Variants in RTP2 observed in about 807,000 individuals in gnomAD.
RTP2 encodes the protein receptor-transporting protein 2.
RTP2 carries 12 observed loss-of-function variants against 17.9 expected under a neutral mutation model. The observed-to-expected ratio is 0.67, with a 90% CI of 0.43 to 1.09. The LOEUF (loss-of-function observed/expected upper bound fraction) is 1.09, where lower values mean the gene tolerates loss of function less well. Ranked by LOEUF, RTP2 falls within the 50% of genes least tolerant of loss-of-function variation. The probability of loss-of-function intolerance (pLI) is 0.00; values close to 1 mark genes in which losing one functional copy is unlikely to be tolerated. For synonymous variants in RTP2, 126 were observed against 117.7 expected, an observed-to-expected ratio of 1.07 and a Z score of -0.46; for missense variants, 327 against 295.7, an observed-to-expected ratio of 1.11 and a Z score of -0.78.
At chr3:187,702,553 C>G (rs1336648856) in exon 1 of RTP2, 1 of 457,550 alleles carries the variant, frequency 2.2e-6, no homozygotes, top group African/African-American at 2.0e-5. Flanking sequence ...AGTACGACAC[C>G]CTAGGAAGTC....
chr3:187,702,354 G>A, exon 1 of RTP2: 4 of 568,752 alleles, frequency 7.0e-6, no homozygotes, highest in Non-Finnish European at 1.3e-5. Context: ...CCAAGGGGGA[G>A]TTTCAGGGCC....
the RTP2 span, among the ~76,000 whole-genome samples, chr3:187,711,565 GTTTTC>G: frequency 2.6e-5 from 4 of 152,148 alleles, no homozygotes; most frequent in Non-Finnish European, 4.4e-5. Flanking sequence ...ATCCATTGAA[GTTTTC>G]TAAGGCTACT....
chr3:187,706,217 G>A (rs1434588737), upstream of RTP2, among the ~76,000 whole-genome samples: 3 of 152,144 alleles, frequency 2.0e-5, no homozygotes, highest in East Asian at 1.9e-4. Flanking sequence ...CATATGAGAC[G>A]CAGATCTTAC....
At chr3:187,698,367 TG>T (rs1294392895) in exon 2 of RTP2, 1 of 703,890 alleles carries the variant, frequency 1.4e-6, no homozygotes, top group African/African-American at 1.8e-5. Flanking sequence ...ATTCCGCAGA[TG>T]CATTAACTGA....
At chr3:187,708,631 A>G in the RTP2 span, among the ~76,000 whole-genome samples, 1 of 152,254 alleles carries the variant, frequency 6.6e-6, no homozygotes, top group Non-Finnish European at 1.5e-5. Flanking sequence ...CTAGTTCCTC[A>G]TCTTAAATAC....
the RTP2 span, among the ~76,000 whole-genome samples, chr3:187,712,587 C>A: frequency 6.6e-6 from 1 of 152,118 alleles, no homozygotes; most frequent in Non-Finnish European, 1.5e-5. Context: ...TAACTAGTGT[C>A]TTTTTGTTAG....
At chr3:187,698,768 C>T (rs1471872712) in exon 2 of RTP2, 1 of 1,613,904 alleles carries the variant, frequency 6.2e-7, no homozygotes, top group Non-Finnish European at 8.5e-7. Flanking sequence ...GGATGCGGTA[C>T]TGGCCACCAT....
chr3:187,705,933 A>G (rs543229650), upstream of RTP2, among the ~76,000 whole-genome samples: 3 of 152,342 alleles, frequency 2.0e-5, no homozygotes, highest in African/African-American at 7.2e-5. Flanking sequence ...TTGGACAAAC[A>G]TTACATAGAT....
chr3:187,700,149 C>T (rs1260990636), intron 1 of RTP2, among the ~76,000 whole-genome samples: 1 of 152,214 alleles, frequency 6.6e-6, no homozygotes, highest in Non-Finnish European at 1.5e-5. Flanking sequence ...CATTCAACAC[C>T]TCCCATATGC....
exon 2 of RTP2, chr3:187,698,295 T>C (rs1330797807): frequency 8.8e-6 from 5 of 567,558 alleles, no homozygotes; most frequent in Non-Finnish European, 1.2e-5. Flanking sequence ...CTTTTCCCCT[T>C]CCCCCAATTA....
chr3:187,713,967 G>A, the RTP2 span, among the ~76,000 whole-genome samples: 1 of 152,122 alleles, frequency 6.6e-6, no homozygotes, highest in African/African-American at 2.4e-5. Context: ...TTCAACCACT[G>A]ACACACAAAG....
At chr3:187,710,124 G>T in the RTP2 span, among the ~76,000 whole-genome samples, 1 of 152,148 alleles carries the variant, frequency 6.6e-6, no homozygotes, top group South Asian at 2.1e-4. Context: ...AAAAGACAAT[G>T]CAGGAAGGTT....
chr3:187,707,355 T>C (rs1223771313), upstream of RTP2, among the ~76,000 whole-genome samples: 2 of 152,174 alleles, frequency 1.3e-5, no homozygotes, highest in East Asian at 3.8e-4. Flanking sequence ...GATACCAATG[T>C]GATCGTCTTT....
At chr3:187,713,555 T>C in the RTP2 span, among the ~76,000 whole-genome samples, 2 of 152,352 alleles carry the variant, frequency 1.3e-5, no homozygotes, top group African/African-American at 4.8e-5. Flanking sequence ...AGATACCCTC[T>C]AGAGGCTTCC....
chr3:187,711,152 C>T, the RTP2 span, among the ~76,000 whole-genome samples: 3 of 152,170 alleles, frequency 2.0e-5, no homozygotes, highest in South Asian at 2.1e-4. Flanking sequence ...GCTTTGTTGG[C>T]GCTTTAGGAT....
At chr3:187,712,293 AT>A in the RTP2 span, among the ~76,000 whole-genome samples, 1 of 152,106 alleles carries the variant, frequency 6.6e-6, no homozygotes, top group Non-Finnish European at 1.5e-5. Context: ...TCTCTGCACT[AT>A]TTTTTGTAAC....
At chr3:187,707,262 C>A (rs1718015807), upstream of RTP2, among the ~76,000 whole-genome samples, 2 of 152,278 alleles carry the variant, frequency 1.3e-5, no homozygotes, top group African/African-American at 4.8e-5. Flanking sequence ...CACCATTGCC[C>A]AGATTCAAGG....
intron 1 of RTP2, among the ~76,000 whole-genome samples, chr3:187,699,852 G>A (rs1171001915): frequency 6.6e-6 from 1 of 151,602 alleles, no homozygotes; most frequent in African/African-American, 2.4e-5. Flanking sequence ...TAGAGTCCCA[G>A]TCTCAGGAAG....
At chr3:187,708,128 C>A in the RTP2 span, among the ~76,000 whole-genome samples, 1 of 152,056 alleles carries the variant, frequency 6.6e-6, no homozygotes, top group Non-Finnish European at 1.5e-5. Context: ...TACATGTGAA[C>A]GAGAAATAGA....
Sources: allele counts gnomAD v4.1 joint callset (sites outside exome capture counted in the v4.1 genomes callset), GRCh38; gene constraint gnomAD v4.1.1; transcripts MANE v1.5; gene names NCBI Gene and HGNC (gene_info 2026-07-23, HGNC 2026-07-21).